MAPKAPK2: variants seen among roughly 807,000 people sequenced by gnomAD.
MAPKAPK2 encodes the protein MAPK activated protein kinase 2.
A neutral mutation model predicts 48.8 loss-of-function variants in MAPKAPK2; 9 were observed. The observed-to-expected ratio is 0.18, with a 90% CI of 0.11 to 0.32. The LOEUF (loss-of-function observed/expected upper bound fraction) is 0.32, where lower values mean the gene tolerates loss of function less well. Ranked by LOEUF, MAPKAPK2 falls within the 10% of genes least tolerant of loss-of-function variation. The probability of loss-of-function intolerance (pLI) is 1.00; values close to 1 mark genes in which losing one functional copy is unlikely to be tolerated. For missense variants in MAPKAPK2, 331 were observed against 498.3 expected, an observed-to-expected ratio of 0.66 and a Z score of 3.20; for synonymous variants, 202 against 190.6, an observed-to-expected ratio of 1.06 and a Z score of -0.49.
rs1439975373 is a variant in MAPKAPK2, at chr1:206,685,142, C to T, written c.-88C>T. The T allele has an allele frequency of 1.2e-4, 27 of 226,130 alleles. No homozygotes were observed. The highest frequency in any genetic ancestry group is 1.5e-3 in the Middle Eastern group (1 of 688). The allele number at this position is 226,130 out of a possible 1,614,324, so 14.0% of individuals were successfully genotyped here. On this transcript the variant is annotated 5_prime_UTR_variant, in exon 1 of 10. Transcript: ENST00000367103. ...CCAGCCCGGAGCGAACTTCGCAGCC[C>T]GTCGGGGGGCGGCGGGGAGGGGGCC...
chr1:206,720,620 A>G (rs1251340213), intron 1 of MAPKAPK2, among the ~76,000 whole-genome samples: 2 of 152,136 alleles, frequency 1.3e-5, no homozygotes, highest in Non-Finnish European at 2.9e-5. Context: ...TGGCCTCCCA[A>G]AGTGCTGGGG....
chr1:206,732,679 G>T lies in MAPKAPK2; in HGVS notation c.1164G>T (p.Lys388Asn). ...ACCCTCTGCTGCTGAAGAGGCGGAA[G>T]AAAGCTCGGGCCCTGGAGGCTGCGG... ...ASNPLLLKRR[K>N]KARALEAAAL... is the part of the protein sequence containing the mutation. The change falls in exon 10 of 10, where the codon AAG (lysine) becomes AAT (asparagine). Residue 388 changes from lysine (K) to asparagine (N), a missense_variant. Around this residue, in one of 4 missense-constraint regions of MAPKAPK2, gnomAD observed 124 missense variants for 194.6 expected, o/e 0.64. Coordinates refer to ENST00000367103, the MANE Select transcript of MAPKAPK2 (RefSeq NM_032960.4). The surrounding 1 kb of genome is among the most constrained non-coding windows in gnomAD (Gnocchi z 4.4). 6.2e-7 allele frequency: 1 copy of T among 1,614,242 alleles called. No individual in the cohort carries two copies. The highest frequency in any genetic ancestry group is 1.1e-5 in the South Asian group (1 of 91,086).
At position 206,691,965 on chromosome 1, in the gene MAPKAPK2, G is replaced by A. The variant is rs530605356; in HGVS notation, c.279+6457G>A. Among the ~76,000 whole-genome samples, 17 of 152,332 alleles carry A rather than the reference G, an allele frequency of 1.1e-4. No individual in the cohort carries two copies. In the South Asian group the frequency reaches 2.9e-3, roughly 26 times the overall value. On this transcript the variant is annotated intron_variant, in intron 1 of 9. Coordinates refer to ENST00000367103, the MANE Select transcript of MAPKAPK2 (RefSeq NM_032960.4). The stretch of plus-strand genomic sequence containing the variant: ...TGACTCGGCAGAGAGGATAGACTAC[G>A]TAATTTAGCAGGGTGTGCATCTTCT...
At position 206,732,377 on chromosome 1, in the gene MAPKAPK2, C is replaced by A. The variant is rs1424711616; in HGVS notation, c.1060-198C>A. The stretch of plus-strand genomic sequence containing the variant: ...GAACAGCAGCAGTGCCATAGCCAGG[C>A]TCTCTGCTGCCCAGCGCTGGGGTGA... On this transcript the variant is annotated intron_variant, in intron 9 of 9. Transcript: ENST00000367103. The surrounding 1 kb of genome is among the most constrained non-coding windows in gnomAD (Gnocchi z 4.4). The A allele has an allele frequency of 1.0e-5, 15 of 1,448,136 alleles. No individual in the cohort carries two copies. In the East Asian group the frequency reaches 1.2e-4, roughly 12 times the overall value. The allele number at this position is 1,448,136 out of a possible 1,614,324, so 89.7% of individuals were successfully genotyped here.
intron 1 of MAPKAPK2, among the ~76,000 whole-genome samples, chr1:206,721,056 T>G (rs1203334490): frequency 6.6e-6 from 1 of 152,202 alleles, no homozygotes; most frequent in African/African-American, 2.4e-5. Context: ...TAATCCCCAG[T>G]GTGGGAGGTG....
intron 1 of MAPKAPK2, among the ~76,000 whole-genome samples, chr1:206,712,494 T>G (rs11119355): frequency 0.28 from 42,575 of 152,006 alleles, 6,484 homozygotes; most frequent in East Asian, 0.54. Flanking sequence ...GATGGGTTTT[T>G]TTGTTGTTGT....
At chr1:206,701,907 C>T (rs1672809781) in intron 1 of MAPKAPK2, among the ~76,000 whole-genome samples, 1 of 151,690 alleles carries the variant, frequency 6.6e-6, no homozygotes, top group African/African-American at 2.4e-5. Context: ...TCACCTGGCC[C>T]AGTGGCTCCC....
rs138343758 is a variant in MAPKAPK2, at chr1:206,725,388, C to G, written c.280-3322C>G. On this transcript the variant is annotated intron_variant, in intron 1 of 9. Coordinates refer to ENST00000367103, the MANE Select transcript of MAPKAPK2 (RefSeq NM_032960.4). Reference sequence around the variant, plus strand: ...CCTACAATCTTGGTGATAACTTGTGCTGGTTACATCCACATGCTCCAAGCT... The same window carrying G: ...CCTACAATCTTGGTGATAACTTGTGGTGGTTACATCCACATGCTCCAAGCT... 3.9e-4 allele frequency among the ~76,000 whole-genome samples: 59 copies of G among 152,292 alleles called. 1 individual carries two copies. In the East Asian group the frequency reaches 9.4e-3, roughly 24 times the overall value.
chr1:206,702,176 G>A (rs1672818473), intron 1 of MAPKAPK2, among the ~76,000 whole-genome samples: 1 of 152,162 alleles, frequency 6.6e-6, no homozygotes, highest in Admixed American at 6.5e-5. Flanking sequence ...ATTCGCTGTT[G>A]TTAAAGTTCT....
chr1:206,687,117 C>T (rs976511646), intron 1 of MAPKAPK2, among the ~76,000 whole-genome samples: 6 of 152,038 alleles, frequency 3.9e-5, no homozygotes, highest in Non-Finnish European at 7.4e-5. Flanking sequence ...GTTTGCTGTC[C>T]CCTCTGAGAC....
intron 1 of MAPKAPK2, among the ~76,000 whole-genome samples, chr1:206,723,420 T>G (rs1450308413): frequency 6.6e-6 from 1 of 152,170 alleles, no homozygotes; most frequent in East Asian, 1.9e-4. Flanking sequence ...AGCAAGCCCA[T>G]GAGGTGGGGA....
chr1:206,713,250 C>G (rs1673216661), intron 1 of MAPKAPK2, among the ~76,000 whole-genome samples: 1 of 152,154 alleles, frequency 6.6e-6, no homozygotes, highest in Non-Finnish European at 1.5e-5. Context: ...GAGGGGCTGA[C>G]TCTGCCTGGA....
intron 1 of MAPKAPK2, among the ~76,000 whole-genome samples, chr1:206,712,910 G>A (rs1553429719): frequency 1.3e-5 from 2 of 149,262 alleles, no homozygotes; most frequent in Admixed American, 6.7e-5. Context: ...AGATTTCAGT[G>A]AGCTGAGATC....
chr1:206,702,420 T>C (rs1025517341), intron 1 of MAPKAPK2, among the ~76,000 whole-genome samples: 2 of 152,158 alleles, frequency 1.3e-5, no homozygotes, highest in Non-Finnish European at 2.9e-5. Flanking sequence ...TCCAGGATCC[T>C]TCCAATTGTC....
intron 1 of MAPKAPK2, among the ~76,000 whole-genome samples, chr1:206,688,625 G>T (rs1325266841): frequency 6.6e-6 from 1 of 152,082 alleles, no homozygotes; most frequent in African/African-American, 2.4e-5. Flanking sequence ...AAGAACATGG[G>T]AATTCTATTA....
At chr1:206,718,416 C>T (rs1198670616) in intron 1 of MAPKAPK2, among the ~76,000 whole-genome samples, 3 of 151,610 alleles carry the variant, frequency 2.0e-5, no homozygotes, top group Non-Finnish European at 4.4e-5. Flanking sequence ...CCTGTAGTCC[C>T]AGCTACTTGG....
At chr1:206,697,518 C>T (rs147153093) in intron 1 of MAPKAPK2, among the ~76,000 whole-genome samples, 27 of 151,178 alleles carry the variant, frequency 1.8e-4, no homozygotes, top group African/African-American at 5.4e-4. Context: ...TGTCACATGT[C>T]GAGAAGAGGG....
At chr1:206,730,429 T>G (rs1270103564) in intron 5 of MAPKAPK2, among the ~76,000 whole-genome samples, 14 of 152,238 alleles carry the variant, frequency 9.2e-5, no homozygotes, top group African/African-American at 3.4e-4. Flanking sequence ...ATCTGTGAAA[T>G]TAAATGAACG....
chr1:206,701,064 C>A (rs1672778880), intron 1 of MAPKAPK2, among the ~76,000 whole-genome samples: 1 of 152,176 alleles, frequency 6.6e-6, no homozygotes, highest in Admixed American at 6.5e-5. Flanking sequence ...CTGCAGTCTT[C>A]TTTGAATTTA....
Sources: allele counts gnomAD v4.1 joint callset (sites outside exome capture counted in the v4.1 genomes callset), GRCh38; gene constraint gnomAD v4.1.1; regional missense constraint gnomAD v4.1.1; non-coding constraint Gnocchi (gnomAD v3.1); transcripts MANE v1.5; gene names NCBI Gene and HGNC (gene_info 2026-07-23, HGNC 2026-07-21).